SCHIP1: variants seen among roughly 807,000 people sequenced by gnomAD.
SCHIP1 encodes the protein schwannomin interacting protein 1, also known as schwannomin-interacting protein 1.
Under a neutral mutation model 29.7 loss-of-function variants are expected in SCHIP1, and 8 were observed. The observed-to-expected ratio is 0.27, with a 90% CI of 0.16 to 0.49. SCHIP1 has a LOEUF of 0.49. SCHIP1 is among the 20% of genes least tolerant of loss of function. The probability of loss-of-function intolerance (pLI) is 0.99; values close to 1 mark genes in which losing one functional copy is unlikely to be tolerated. For synonymous variants in SCHIP1, 76 were observed against 94.9 expected, an observed-to-expected ratio of 0.80 and a Z score of 1.16; for missense variants, 193 against 294.6, an observed-to-expected ratio of 0.66 and a Z score of 2.52.
the SCHIP1 span, among the ~76,000 whole-genome samples, chr3:159,786,935 AAAG>A: frequency 3.3e-5 from 5 of 152,298 alleles, no homozygotes; most frequent in South Asian, 8.3e-4. Context: ...TTTTGAAGAC[AAAG>A]AAGAACTCAC....
chr3:159,285,816 C>T, the SCHIP1 span, among the ~76,000 whole-genome samples: 1 of 152,056 alleles, frequency 6.6e-6, no homozygotes, highest in Non-Finnish European at 1.5e-5. Context: ...GGACCTACTC[C>T]TTGCTGGGCA....
chr3:159,599,422 C>T, the SCHIP1 span, among the ~76,000 whole-genome samples: 1 of 152,090 alleles, frequency 6.6e-6, no homozygotes, highest in African/African-American at 2.4e-5. Flanking sequence ...CTGCCCTTTC[C>T]CCAAAGTCCC....
chr3:159,450,728 A>C, the SCHIP1 span, among the ~76,000 whole-genome samples: 2 of 152,172 alleles, frequency 1.3e-5, no homozygotes, highest in Non-Finnish European at 2.9e-5. Flanking sequence ...ATCCTATAGG[A>C]AAATTTTGAA....
At chr3:159,432,739 C>T in the SCHIP1 span, among the ~76,000 whole-genome samples, 2 of 152,284 alleles carry the variant, frequency 1.3e-5, no homozygotes, top group South Asian at 4.1e-4. Flanking sequence ...TCAGAGCATA[C>T]TATCACTCAA....
the SCHIP1 span, among the ~76,000 whole-genome samples, chr3:159,426,520 G>T: frequency 2.6e-5 from 4 of 152,242 alleles, no homozygotes; most frequent in South Asian, 4.2e-4. Context: ...AATAAGAGGA[G>T]CTGAAATTGT....
chr3:159,786,359 T>C, the SCHIP1 span, among the ~76,000 whole-genome samples: 1 of 152,230 alleles, frequency 6.6e-6, no homozygotes, highest in Admixed American at 6.5e-5. Context: ...GACATCAACA[T>C]TGCTATCTTC....
At chr3:159,436,932 G>A in the SCHIP1 span, among the ~76,000 whole-genome samples, 1 of 152,026 alleles carries the variant, frequency 6.6e-6, no homozygotes, top group Non-Finnish European at 1.5e-5. Flanking sequence ...AGCTATCATG[G>A]AAAGTGAATC....
chr3:159,518,113 A>C, the SCHIP1 span, among the ~76,000 whole-genome samples: 1 of 152,144 alleles, frequency 6.6e-6, no homozygotes, highest in Non-Finnish European at 1.5e-5. Flanking sequence ...ATTTTTGGGC[A>C]AAAAAAGAAG....
chr3:159,546,012 GT>G, the SCHIP1 span, among the ~76,000 whole-genome samples: 1 of 151,802 alleles, frequency 6.6e-6, no homozygotes, highest in African/African-American at 2.4e-5. Context: ...GGTATTTATT[GT>G]TTGTATGCTA....
chr3:159,428,366 C>A, the SCHIP1 span, among the ~76,000 whole-genome samples: 4 of 150,638 alleles, frequency 2.7e-5, no homozygotes, highest in African/African-American at 7.3e-5. Flanking sequence ...ACAAACAACC[C>A]CATCAAAAAG....
At chr3:159,584,821 G>A in the SCHIP1 span, among the ~76,000 whole-genome samples, 50 of 151,910 alleles carry the variant, frequency 3.3e-4, no homozygotes, top group African/African-American at 9.7e-4. Flanking sequence ...GAAACGATGG[G>A]TGGCTTTCCT....
the SCHIP1 span, among the ~76,000 whole-genome samples, chr3:159,315,142 A>G: frequency 6.6e-6 from 1 of 150,870 alleles, no homozygotes; most frequent in African/African-American, 2.4e-5. Context: ...TGAGAGTTAT[A>G]GTTGCTCCAT....
the SCHIP1 span, among the ~76,000 whole-genome samples, chr3:159,579,014 C>G: frequency 6.6e-6 from 1 of 152,168 alleles, no homozygotes; most frequent in South Asian, 2.1e-4. Context: ...CAATACTGAT[C>G]TACATAATTC....
chr3:159,817,497 C>T, the SCHIP1 span, among the ~76,000 whole-genome samples: 1 of 152,138 alleles, frequency 6.6e-6, no homozygotes, highest in Admixed American at 6.5e-5. Flanking sequence ...TGTGTGGCCA[C>T]TCTGGGTGTT....
the SCHIP1 span, among the ~76,000 whole-genome samples, chr3:159,345,985 G>T: frequency 2.0e-5 from 3 of 152,082 alleles, no homozygotes; most frequent in African/African-American, 7.2e-5. Flanking sequence ...TTTGAGGTCA[G>T]GAGTTCGAGA....
At chr3:159,627,125 C>A in the SCHIP1 span, among the ~76,000 whole-genome samples, 1 of 152,070 alleles carries the variant, frequency 6.6e-6, no homozygotes, top group African/African-American at 2.4e-5. Flanking sequence ...TGAGAACATG[C>A]ACTGTTTGGT....
chr3:159,785,974 T>C, the SCHIP1 span, among the ~76,000 whole-genome samples: 1 of 152,256 alleles, frequency 6.6e-6, no homozygotes, highest in Admixed American at 6.5e-5. Context: ...GTTGTATGTG[T>C]ATTTTCTTTT....
the SCHIP1 span, among the ~76,000 whole-genome samples, chr3:159,477,757 C>T: frequency 2.6e-5 from 4 of 152,036 alleles, no homozygotes; most frequent in Non-Finnish European, 5.9e-5. Context: ...GTTTCCTTTG[C>T]TGTGCAAAAA....
At chr3:159,394,549 C>T in the SCHIP1 span, among the ~76,000 whole-genome samples, 1 of 152,122 alleles carries the variant, frequency 6.6e-6, no homozygotes, top group Non-Finnish European at 1.5e-5. Context: ...TGTCAAAGGC[C>T]TTTTCTGCAT....
Sources: allele counts gnomAD v4.1 joint callset (sites outside exome capture counted in the v4.1 genomes callset), GRCh38; gene constraint gnomAD v4.1.1; transcripts MANE v1.5; gene names NCBI Gene and HGNC (gene_info 2026-07-23, HGNC 2026-07-21).